BRD4: variants seen among roughly 807,000 people sequenced by gnomAD.
The protein encoded by BRD4 is bromodomain-containing protein 4.
A neutral mutation model predicts 142.1 loss-of-function variants in BRD4; 16 were observed. That is an observed-to-expected ratio of 0.11 (90% CI 0.08 to 0.17). BRD4 has a LOEUF of 0.17. Ranked by LOEUF, BRD4 falls within the 10% of genes least tolerant of loss-of-function variation. BRD4 has a pLI of 1.00. For missense variants in BRD4, 1,424 were observed against 1,810.9 expected (o/e 0.79, Z 3.88); for synonymous variants, 833 against 707.5 (o/e 1.18, Z -2.82).
chr19:15,259,043 G>A (rs2047441858), intron 7 of BRD4, among the ~76,000 whole-genome samples: 1 of 152,120 alleles, frequency 6.6e-6, no homozygotes, highest in Non-Finnish European at 1.5e-5. Context: ...CAGAGTGGAG[G>A]CCCCAGTGAG....
chr19:15,311,319 T>G (rs574370635), intron 1 of BRD4, among the ~76,000 whole-genome samples: 1 of 150,358 alleles, frequency 6.7e-6, no homozygotes, highest in East Asian at 2.0e-4. Flanking sequence ...CAAAAAACAG[T>G]AGGCAGGTGG....
intron 1 of BRD4, among the ~76,000 whole-genome samples, chr19:15,285,790 G>A (rs927284662): frequency 1.3e-5 from 2 of 152,138 alleles, no homozygotes; most frequent in Admixed American, 6.5e-5. Context: ...TTATCAATCA[G>A]GAACTAAAGG....
intron 1 of BRD4, among the ~76,000 whole-genome samples, chr19:15,277,407 C>G (rs1431907571): frequency 2.0e-5 from 3 of 152,264 alleles, no homozygotes; most frequent in African/African-American, 7.2e-5. Context: ...CAGCACAAGG[C>G]AATTGATCAT....
intron 1 of BRD4, among the ~76,000 whole-genome samples, chr19:15,330,366 G>T (rs1374815731): frequency 6.6e-6 from 1 of 152,180 alleles, no homozygotes; most frequent in African/African-American, 2.4e-5. Flanking sequence ...TTCCCTGGCT[G>T]AAGTTTTTGG....
chr19:15,302,668 CAAAAAAAAAAAAAAAA>C (rs572714842), intron 1 of BRD4, among the ~76,000 whole-genome samples: 4 of 56,790 alleles, frequency 7.0e-5, no homozygotes, highest in African/African-American at 1.5e-4. Context: ...GACTCCGACT[CAAAAAAAAAAAAAAAA>C]AAAAAAAAAA....
chr19:15,276,675 G>A (rs959340229), intron 1 of BRD4, among the ~76,000 whole-genome samples: 1 of 152,112 alleles, frequency 6.6e-6, no homozygotes, highest in Non-Finnish European at 1.5e-5. Flanking sequence ...TCATCCTGGG[G>A]CTTCCAGCTC....
chr19:15,266,770 AC>A (rs946609718), intron 4 of BRD4, among the ~76,000 whole-genome samples: 12 of 152,188 alleles, frequency 7.9e-5, no homozygotes, highest in African/African-American at 2.9e-4. Flanking sequence ...CTCAGGGACC[AC>A]CTCGCAAATG....
intron 6 of BRD4, 128 bp downstream of exon 6, chr19:15,264,276 C>T (rs997781088): frequency 9.1e-6 from 12 of 1,323,400 alleles, no homozygotes; most frequent in Admixed American, 2.4e-5. Context: ...TTCGAGTTGG[C>T]GGGAAAAATC....
At chr19:15,290,944 T>G (rs1568400118) in intron 1 of BRD4, among the ~76,000 whole-genome samples, 1 of 152,114 alleles carries the variant, frequency 6.6e-6, no homozygotes, top group Non-Finnish European at 1.5e-5. Flanking sequence ...AAGAAAAAAC[T>G]CTATTGCATT....
At chr19:15,294,328 G>A (rs183931260) in intron 1 of BRD4, among the ~76,000 whole-genome samples, 3 of 152,356 alleles carry the variant, frequency 2.0e-5, no homozygotes, top group Admixed American at 2.0e-4. Flanking sequence ...GGACACATCT[G>A]GACGACAGGC....
chr19:15,331,262 T>A (rs2048155083), intron 1 of BRD4, among the ~76,000 whole-genome samples: 1 of 152,182 alleles, frequency 6.6e-6, no homozygotes, highest in Non-Finnish European at 1.5e-5. Flanking sequence ...CACCGTCCAC[T>A]ACAACAGAGT....
At chr19:15,240,716 A>T (rs1242142678) in intron 14 of BRD4, among the ~76,000 whole-genome samples, 2 of 152,210 alleles carry the variant, frequency 1.3e-5, no homozygotes, top group Non-Finnish European at 2.9e-5. Context: ...CTGGGCCCTC[A>T]ATCACAGTGA....
intron 11 of BRD4, among the ~76,000 whole-genome samples, chr19:15,250,578 C>T (rs955157124): frequency 3.9e-5 from 6 of 152,196 alleles, no homozygotes; most frequent in East Asian, 1.9e-4. Context: ...AGCTGGACTG[C>T]GCTCCCGTTC....
intron 1 of BRD4, among the ~76,000 whole-genome samples, chr19:15,296,694 C>A (rs773187104): frequency 3.7e-4 from 57 of 152,180 alleles, no homozygotes; most frequent in Non-Finnish European, 1.2e-4. Context: ...TCCAGCCACA[C>A]TGAGATTCTG....
At chr19:15,267,845 C>T (rs2047550917) in intron 3 of BRD4, among the ~76,000 whole-genome samples, 2 of 152,190 alleles carry the variant, frequency 1.3e-5, no homozygotes, top group Admixed American at 1.3e-4. Context: ...CAAGCTCAGC[C>T]AATCACTGAA....
At chr19:15,268,537 G>A (rs2047556393) in intron 3 of BRD4, among the ~76,000 whole-genome samples, 1 of 152,054 alleles carries the variant, frequency 6.6e-6, no homozygotes, top group African/African-American at 2.4e-5. Flanking sequence ...ATTTTAGCAG[G>A]CTCTTTCCTA....
In BRD4 at chr19:15,243,129, G is replaced by C. The variant is rs1318195057; in HGVS notation, c.2940C>G (p.Pro980=). The C allele has an allele frequency of 7.7e-6, 10 of 1,299,478 alleles. No individual in the cohort carries two copies. The highest frequency in any genetic ancestry group is 9.3e-6 in the Non-Finnish European group (9 of 968,666). The allele number at this position is 1,299,478 out of a possible 1,614,324, so 80.5% of individuals were successfully genotyped here. A position where few individuals can be genotyped will look rare whatever the true frequency, so the allele number is the denominator to read the frequency against. ...GCTGCTGGGGTGGAGGCTGGGGCTG[G>C]GGTGGTGGGGGTGGTGGCGGCTGCT... ...LQQQPPPPPP[P]QPQPPPQQQH... is the part of the protein sequence containing the mutation. Residue 980 remains proline, a synonymous_variant, in exon 14 of 20, where the codon CCC becomes CCG. Transcript: ENST00000679869.
chr19:15,306,542 G>C (rs1398983862), intron 1 of BRD4, among the ~76,000 whole-genome samples: 1 of 152,068 alleles, frequency 6.6e-6, no homozygotes, highest in Non-Finnish European at 1.5e-5. Context: ...AAAAATGCTA[G>C]GATTACAGGC....
At chr19:15,305,341 C>T in intron 1 of BRD4, among the ~76,000 whole-genome samples, 1 of 152,180 alleles carries the variant, frequency 6.6e-6, no homozygotes, top group East Asian at 1.9e-4. Context: ...AGCACCCAGC[C>T]TGAAATGTTA....
Sources: allele counts gnomAD v4.1 joint callset (sites outside exome capture counted in the v4.1 genomes callset), GRCh38; gene constraint gnomAD v4.1.1; transcripts MANE v1.5; gene names NCBI Gene and HGNC (gene_info 2026-07-23, HGNC 2026-07-21).